The following ARID1B variants were observed in gnomAD, a reference collection of about 807,000 sequenced individuals.
ARID1B encodes AT-rich interactive domain-containing protein 1B.
In ARID1B, 30 loss-of-function variants were observed where a neutral mutation model predicts 212.3. The ratio of observed to expected loss-of-function variants is 0.14; its 90% CI spans 0.11 to 0.19. The LOEUF (loss-of-function observed/expected upper bound fraction) is 0.19, where lower values mean the gene tolerates loss of function less well. Among genes scored for constraint, ARID1B ranks in the 10% least tolerant of loss-of-function variants. The pLI is 1.00. For missense variants in ARID1B, 2,891 were observed against 3,204.0 expected, an observed-to-expected ratio of 0.90 and a Z score of 2.36; for synonymous variants, 1,402 against 1,301.7, an observed-to-expected ratio of 1.08 and a Z score of -1.66.
At chr6:156,889,338 G>A (rs1476036664) in intron 2 of ARID1B, among the ~76,000 whole-genome samples, 5 of 152,128 alleles carry the variant, frequency 3.3e-5, no homozygotes, top group African/African-American at 4.8e-5. Context: ...CTGTGGTATC[G>A]AATACTCTCG....
rs143052852 is a variant in ARID1B at position 157,182,587 on chromosome 6, C to G, written c.3714+1409C>G. 7.9e-3 allele frequency among the ~76,000 whole-genome samples: 1,198 copies of G among 152,224 alleles called. 15 individuals carry two copies. Among genetic ancestry groups the G allele is most frequent in the African/African-American group, 0.027 (1,137 of 41,532 alleles). ...CCTGCAGGTGTCACTGACGGCCTAC[C>G]GTGGTCTCAGTGCTGCGTCTCGGGG... On this transcript the variant is annotated intron_variant, in intron 12 of 19. Coordinates refer to ENST00000636930, the MANE Select transcript of ARID1B (RefSeq NM_001374828.1).
At chr6:157,196,051 T>A in intron 15 of ARID1B, 114 bp from the exon 16 acceptor site, 1 of 1,327,364 alleles carries the variant, frequency 7.5e-7, no homozygotes, top group South Asian at 1.3e-5. Flanking sequence ...AGAGTGAGAC[T>A]CCATCTCAAA....
At chr6:156,937,548 C>G (rs1792347309) in intron 4 of ARID1B, 1 of 152,136 alleles carries the variant, frequency 6.6e-6, no homozygotes, top group South Asian at 2.1e-4. Flanking sequence ...TAGTGCGTGC[C>G]TTTTGCCATG....
intron 4 of ARID1B, among the ~76,000 whole-genome samples, chr6:156,959,953 C>CA (rs1794253832): frequency 1.5e-5 from 2 of 131,068 alleles, no homozygotes; most frequent in African/African-American, 5.9e-5. Flanking sequence ...TTTCTCGAGA[C>CA]AGAGTCTCAC....
At chr6:157,131,298 A>T (rs997875192) in intron 6 of ARID1B, among the ~76,000 whole-genome samples, 1 of 152,112 alleles carries the variant, frequency 6.6e-6, no homozygotes, top group African/African-American at 2.4e-5. Context: ...TTTAGTGGGG[A>T]AGAGAGATGA....
intron 4 of ARID1B, among the ~76,000 whole-genome samples, chr6:157,054,941 A>C (rs965762389): frequency 3.3e-5 from 5 of 152,326 alleles, no homozygotes; most frequent in Admixed American, 1.3e-4. Flanking sequence ...TTTCACATGG[A>C]TACATCACCT....
Position 157,201,205 on chromosome 6 carries a change from G to A in ARID1B, c.4980G>A (p.Gln1660=). 3 of 1,613,812 alleles carry A rather than the reference G, an allele frequency of 1.9e-6. No individual in the cohort carries two copies. Among genetic ancestry groups the A allele is most frequent in the Non-Finnish European group, 2.5e-6 (3 of 1,179,818 alleles). Residue 1660 remains glutamine, a synonymous_variant, in exon 18 of 20, where the codon CAG becomes CAA. Coordinates refer to ENST00000636930, the MANE Select transcript of ARID1B (RefSeq NM_001374828.1). This position sits in a 1 kb window ranked among gnomAD's most constrained non-coding sequence, Gnocchi z 5.2. ...TGCAGCCCATCACACGCCCACCACA[G>A]CCGTCCTACCAGACGCCACCGTCAC... ...ASMQPITRPP[Q]PSYQTPPSLP...
intron 4 of ARID1B, among the ~76,000 whole-genome samples, chr6:157,050,303 T>C (rs2128553659): frequency 6.6e-6 from 1 of 152,282 alleles, no homozygotes; most frequent in Non-Finnish European, 1.5e-5. Context: ...CCCAGCACTT[T>C]GGGAGGCCGA....
chr6:156,829,276 T>C lies in ARID1B; in HGVS notation c.1841T>C (p.Met614Thr), dbSNP rs141260832. Residue 614 changes from methionine (M) to threonine (T), a missense_variant, in exon 2 of 20, where the codon ATG becomes ACG. Met to Thr is a moderately conservative substitution (Grantham distance 81, BLOSUM62 -1). Coordinates refer to ENST00000636930, the MANE Select transcript of ARID1B (RefSeq NM_001374828.1). ...ATGAAGAGACCTCAGTTGTATGGCA[T>C]GGGCAGTAACCCTCATTCTCAGCCT... Reference protein sequence around the residue: ...MVMKRPQLYGMGSNPHSQPQQ... With the variant: ...MVMKRPQLYGTGSNPHSQPQQ... 247 of 1,614,106 alleles carry C rather than the reference T, an allele frequency of 1.5e-4. No individual in the cohort carries two copies. Among genetic ancestry groups the C allele is most frequent in the Non-Finnish European group, 1.9e-4 (228 of 1,180,046 alleles).
At chr6:157,013,925 T>C (rs1440762444) in intron 4 of ARID1B, among the ~76,000 whole-genome samples, 2 of 152,228 alleles carry the variant, frequency 1.3e-5, no homozygotes, top group Non-Finnish European at 2.9e-5. Flanking sequence ...GCCTTGACTT[T>C]GTACATTGCT....
At chr6:157,147,986 A>G (rs1163175281) in intron 7 of ARID1B, among the ~76,000 whole-genome samples, 1 of 120,752 alleles carries the variant, frequency 8.3e-6, no homozygotes, top group African/African-American at 3.3e-5. Flanking sequence ...TTGTGCTGGG[A>G]CAGTTTTCCG....
intron 4 of ARID1B, among the ~76,000 whole-genome samples, chr6:157,020,515 A>G (rs780223629): frequency 3.3e-5 from 5 of 152,166 alleles, no homozygotes; most frequent in African/African-American, 7.2e-5. Context: ...GTTGTGTTTG[A>G]ATGCTTTAGC....
At chr6:156,961,841 T>C (rs1794397967) in intron 4 of ARID1B, among the ~76,000 whole-genome samples, 1 of 152,196 alleles carries the variant, frequency 6.6e-6, no homozygotes, top group African/African-American at 2.4e-5. Context: ...ATTTGTATTC[T>C]TTGTATTTCA....
Position 157,206,136 on chromosome 6 carries a change from C to A in ARID1B, c.5395-31C>A. The A allele has an allele frequency of 6.2e-7, 1 of 1,605,872 alleles. No homozygotes were observed. Among genetic ancestry groups the A allele is most frequent in the South Asian group, 1.1e-5 (1 of 89,254 alleles). On this transcript the variant is annotated intron_variant, in intron 19 of 19. Coordinates refer to ENST00000636930, the MANE Select transcript of ARID1B (RefSeq NM_001374828.1). This position sits in a 1 kb window ranked among gnomAD's most constrained non-coding sequence, Gnocchi z 6.8. ...CTGATGTCATGACATTGTACCTGTT[C>A]TTTCTTTCTTCTCCTCCTCCTCCTC...
At chr6:157,018,212 C>CTTTTGTTTTTTTTTTTT (rs1780023244) in intron 4 of ARID1B, among the ~76,000 whole-genome samples, 1 of 72,432 alleles carries the variant, frequency 1.4e-5, no homozygotes, top group African/African-American at 6.5e-5. Flanking sequence ...AAGTAGTATG[C>CTTTTGTTTTTTTTTTTT]TTTTTTTTTT....
intron 2 of ARID1B, among the ~76,000 whole-genome samples, chr6:156,842,308 G>C (rs928767285): frequency 1.3e-5 from 2 of 152,118 alleles, no homozygotes; most frequent in Non-Finnish European, 2.9e-5. Context: ...CTGCTAACCT[G>C]CCTTCTACCG....
chr6:156,982,771 A>G (rs1777683509), intron 4 of ARID1B, among the ~76,000 whole-genome samples: 1 of 152,120 alleles, frequency 6.6e-6, no homozygotes. Context: ...CCTGTATGCA[A>G]TCACTTTTCC....
chr6:157,042,922 A>T (rs1406865007), intron 4 of ARID1B, among the ~76,000 whole-genome samples: 1 of 152,088 alleles, frequency 6.6e-6, no homozygotes, highest in African/African-American at 2.4e-5. Context: ...CAGCCTCCCA[A>T]AGTGCTGGGA....
At chr6:156,970,089 T>G (rs1583051482) in intron 4 of ARID1B, among the ~76,000 whole-genome samples, 1 of 144,400 alleles carries the variant, frequency 6.9e-6, no homozygotes, top group Non-Finnish European at 1.5e-5. Flanking sequence ...TTGTTTTGTT[T>G]TGTTTTTTGA....
Sources: gnomAD v4.1 joint callset for allele counts (sites outside exome capture counted in the v4.1 genomes callset) on GRCh38, gnomAD v4.1.1 for gene constraint, Gnocchi (gnomAD v3.1) non-coding constraint, MANE v1.5 for transcripts, NCBI Gene and HGNC (gene_info 2026-07-23, HGNC 2026-07-21) for gene names.